The following NEGR1 variants were observed in gnomAD, a reference collection of about 807,000 sequenced individuals.
NEGR1 encodes neuronal growth regulator 1, also known as IgLON family member 4.
A neutral mutation model predicts 40.9 loss-of-function variants in NEGR1; 10 were observed. The observed-to-expected ratio is 0.24, with a 90% CI of 0.15 to 0.42. NEGR1 has a LOEUF of 0.42. Among genes scored for constraint, NEGR1 ranks in the 10% least tolerant of loss-of-function variants. The pLI, the probability that NEGR1 is intolerant of heterozygous loss-of-function variation, is 1.00. For synonymous variants in NEGR1, 185 were observed against 166.8 expected, an observed-to-expected ratio of 1.11 and a Z score of -0.84; for missense variants, 352 against 438.9, an observed-to-expected ratio of 0.80 and a Z score of 1.77.
chr1:72,020,147 A>C (rs1232356079), intron 1 of NEGR1, among the ~76,000 whole-genome samples: 1 of 152,228 alleles, frequency 6.6e-6, no homozygotes, highest in Non-Finnish European at 1.5e-5. Flanking sequence ...AGATAGTTCC[A>C]GTATAGATCA....
chr1:71,641,308 C>T (rs926056050), intron 4 of NEGR1, among the ~76,000 whole-genome samples: 1 of 151,974 alleles, frequency 6.6e-6, no homozygotes, highest in African/African-American at 2.4e-5. Flanking sequence ...AAAAATGACA[C>T]CGTTGCTGAA....
At chr1:71,993,017 A>G (rs905153504) in intron 1 of NEGR1, among the ~76,000 whole-genome samples, 3 of 152,112 alleles carry the variant, frequency 2.0e-5, no homozygotes, top group Non-Finnish European at 4.4e-5. Context: ...TTCCAAACAA[A>G]CGAAAAGAGA....
chr1:71,799,287 A>T (rs1657465902), intron 2 of NEGR1, among the ~76,000 whole-genome samples: 1 of 152,144 alleles, frequency 6.6e-6, no homozygotes, highest in South Asian at 2.1e-4. Context: ...GAGGGAGACC[A>T]CACGGTGTTT....
rs118157389 is a variant in NEGR1 at position 71,851,405 on chromosome 1, C to T, written c.410-75108G>A. ...GCCAGCAAGAGGTGTGCTAAAAATG[C>T]AAATTTTCTTTTAAAACTCATTTAA... On this transcript the variant is annotated intron_variant, in intron 2 of 6. Coordinates refer to ENST00000357731, the MANE Select transcript of NEGR1 (RefSeq NM_173808.3). 9.0e-4 allele frequency among the ~76,000 whole-genome samples: 137 copies of T among 152,176 alleles called. 2 individuals carry two copies. In the East Asian group the frequency reaches 0.026, roughly 29 times the overall value.
intron 4 of NEGR1, among the ~76,000 whole-genome samples, chr1:71,678,749 A>G (rs749365153): frequency 6.6e-6 from 1 of 152,158 alleles, no homozygotes; most frequent in Non-Finnish European, 1.5e-5. Context: ...GAATTAGCCC[A>G]TTACTGGAAA....
chr1:72,134,601 T>C (rs1033437496), intron 1 of NEGR1, among the ~76,000 whole-genome samples: 1 of 150,972 alleles, frequency 6.6e-6, no homozygotes, highest in African/African-American at 2.4e-5. Flanking sequence ...ACATTTATTC[T>C]AGTTTTTATT....
chr1:71,526,520 C>T (rs969865063), intron 6 of NEGR1, among the ~76,000 whole-genome samples: 2 of 151,548 alleles, frequency 1.3e-5, no homozygotes, highest in Non-Finnish European at 3.0e-5. Flanking sequence ...TTCCCCATCT[C>T]GGTTGGTACC....
At chr1:72,097,310 T>A (rs13376640) in intron 1 of NEGR1, among the ~76,000 whole-genome samples, 5,580 of 152,242 alleles carry the variant, frequency 0.037, 342 homozygotes, top group African/African-American at 0.13. Flanking sequence ...AGTTGAGTAA[T>A]ATATGAAAAG....
At chr1:72,034,780 A>T (rs1206553300) in intron 1 of NEGR1, among the ~76,000 whole-genome samples, 1 of 152,168 alleles carries the variant, frequency 6.6e-6, no homozygotes, top group Non-Finnish European at 1.5e-5. Flanking sequence ...TTAAGAAATT[A>T]TTTTTAGTCA....
At chr1:72,226,156 T>C (rs949992936) in intron 1 of NEGR1, among the ~76,000 whole-genome samples, 1 of 151,920 alleles carries the variant, frequency 6.6e-6, no homozygotes, top group African/African-American at 2.4e-5. Context: ...TGGAAACATG[T>C]ATTACCTATA....
At chr1:71,913,321 G>A (rs1420384455) in intron 2 of NEGR1, among the ~76,000 whole-genome samples, 1 of 152,006 alleles carries the variant, frequency 6.6e-6, no homozygotes, top group Non-Finnish European at 1.5e-5. Context: ...CGCCATGTTG[G>A]CCAGGTTGGT....
intron 1 of NEGR1, among the ~76,000 whole-genome samples, chr1:72,194,187 T>A (rs1292609577): frequency 6.6e-6 from 1 of 151,892 alleles, no homozygotes; most frequent in Non-Finnish European, 1.5e-5. Context: ...TTGTCTTACT[T>A]CTCTGTGTAT....
At chr1:71,771,725 T>C (rs1193204504) in intron 3 of NEGR1, among the ~76,000 whole-genome samples, 7 of 35,002 alleles carry the variant, frequency 2.0e-4, no homozygotes, top group Non-Finnish European at 6.0e-4. Flanking sequence ...AAAAAAAAGG[T>C]GTGAATCCAC....
chr1:72,057,226 G>A (rs1647119065), intron 1 of NEGR1, among the ~76,000 whole-genome samples: 1 of 151,692 alleles, frequency 6.6e-6, no homozygotes, highest in South Asian at 2.1e-4. Flanking sequence ...GTCCAAACTT[G>A]AGGAAGGAAA....
intron 4 of NEGR1, among the ~76,000 whole-genome samples, chr1:71,695,814 T>G (rs912780323): frequency 6.6e-6 from 1 of 151,834 alleles, no homozygotes; most frequent in East Asian, 1.9e-4. Flanking sequence ...AAGGGCAGAT[T>G]TGTTTACAAT....
At chr1:71,592,133 C>T (rs1649520452) in intron 6 of NEGR1, among the ~76,000 whole-genome samples, 1 of 152,190 alleles carries the variant, frequency 6.6e-6, no homozygotes, top group Non-Finnish European at 1.5e-5. Flanking sequence ...GTTGGTTACT[C>T]AGCTTCTAAA....
At chr1:71,447,834 A>G (rs968267662) in intron 6 of NEGR1, among the ~76,000 whole-genome samples, 2 of 152,238 alleles carry the variant, frequency 1.3e-5, no homozygotes, top group African/African-American at 2.4e-5. Flanking sequence ...GAATGAATGA[A>G]ATATTTTTTT....
Position 71,697,936 on chromosome 1 carries a change from T to C in NEGR1, c.667+72A>G, listed in dbSNP as rs1323716693. ...AACCTCTTAAAAACAGCAACATAAATTTCAGTCAGAATTTTTCAAGGTGTT... is the reference window on the plus strand; with the variant it reads ...AACCTCTTAAAAACAGCAACATAAACTTCAGTCAGAATTTTTCAAGGTGTT... On this transcript the variant is annotated intron_variant, in intron 4 of 6. Coordinates refer to ENST00000357731, the MANE Select transcript of NEGR1 (RefSeq NM_173808.3). The C allele has an allele frequency of 3.4e-6, 5 of 1,455,896 alleles. No homozygotes were observed. The East Asian group carries it at 1.2e-4, about 33-fold the overall frequency. 90.2% of individuals were successfully genotyped at this position (1,455,896 alleles called of 1,614,324 possible).
intron 2 of NEGR1, among the ~76,000 whole-genome samples, chr1:71,878,476 C>G (rs1347050514): frequency 6.6e-6 from 1 of 152,172 alleles, no homozygotes; most frequent in African/African-American, 2.4e-5. Flanking sequence ...TTCAGCGACA[C>G]TGAAAACTTC....
Sources: allele counts gnomAD v4.1 joint callset (sites outside exome capture counted in the v4.1 genomes callset), GRCh38; gene constraint gnomAD v4.1.1; transcripts MANE v1.5; gene names NCBI Gene and HGNC (gene_info 2026-07-23, HGNC 2026-07-21).